The following WASF2 variants were observed in gnomAD, a reference collection of about 807,000 sequenced individuals.
WASF2 encodes the protein actin-binding protein WASF2.
In WASF2, 14 loss-of-function variants were observed where a neutral mutation model predicts 45.0. The observed-to-expected ratio is 0.31, with a 90% CI of 0.21 to 0.49. The LOEUF (loss-of-function observed/expected upper bound fraction) is 0.49, where lower values mean the gene tolerates loss of function less well. Ranked by LOEUF, WASF2 falls within the 20% of genes least tolerant of loss-of-function variation. The pLI is 0.99. For synonymous variants in WASF2, 200 were observed against 236.3 expected (o/e 0.85, Z 1.41); for missense variants, 439 against 636.1 (o/e 0.69, Z 3.33).
chr1:27,488,896 T>G (rs1397777993), intron 1 of WASF2, among the ~76,000 whole-genome samples: 1 of 152,168 alleles, frequency 6.6e-6, no homozygotes, highest in Admixed American at 6.5e-5. Context: ...CCTCTGAAAC[T>G]CAGTTTCCTT....
chr1:27,424,978 G>A (rs903460634), intron 2 of WASF2, among the ~76,000 whole-genome samples: 1 of 152,248 alleles, frequency 6.6e-6, no homozygotes, highest in Non-Finnish European at 1.5e-5. Context: ...AAGATGGCAA[G>A]GGCTGTTCAG....
At chr1:27,464,852 C>T (rs2017593538) in intron 1 of WASF2, among the ~76,000 whole-genome samples, 1 of 152,168 alleles carries the variant, frequency 6.6e-6, no homozygotes, top group Non-Finnish European at 1.5e-5. Flanking sequence ...CCTCAGCTTC[C>T]CAAGTAGCTG....
At chr1:27,424,461 G>C (rs2016949414) in intron 2 of WASF2, among the ~76,000 whole-genome samples, 1 of 152,134 alleles carries the variant, frequency 6.6e-6, no homozygotes, top group South Asian at 2.1e-4. Context: ...TTTCTACTGG[G>C]TGACAGGTAC....
intron 4 of WASF2, among the ~76,000 whole-genome samples, chr1:27,416,403 G>T (rs2148102335): frequency 6.6e-6 from 1 of 152,190 alleles, no homozygotes; most frequent in East Asian, 1.9e-4. Flanking sequence ...GATCTGCATG[G>T]CCACAGAGAT....
chr1:27,450,907 G>A (rs986073488), intron 1 of WASF2, among the ~76,000 whole-genome samples: 12 of 150,904 alleles, frequency 8.0e-5, no homozygotes, highest in Non-Finnish European at 1.6e-4. Flanking sequence ...GCACACAAAT[G>A]ACAACTATGA....
intron 2 of WASF2, among the ~76,000 whole-genome samples, chr1:27,420,987 C>G (rs2016901379): frequency 6.6e-6 from 1 of 152,164 alleles, no homozygotes; most frequent in South Asian, 2.1e-4. Flanking sequence ...CCTGAAAGGC[C>G]AAAACCACAC....
intron 1 of WASF2, among the ~76,000 whole-genome samples, chr1:27,432,793 T>TCA (rs2017084425): frequency 6.6e-6 from 1 of 151,832 alleles, no homozygotes; most frequent in South Asian, 2.1e-4. Context: ...CACCCAGGCC[T>TCA]CACTCTGTTG....
chr1:27,454,540 G>A (rs950105442), intron 1 of WASF2, among the ~76,000 whole-genome samples: 2 of 151,930 alleles, frequency 1.3e-5, no homozygotes, highest in African/African-American at 2.4e-5. Context: ...GTCTTCTTAC[G>A]TTGTCCAGGG....
At chr1:27,433,157 A>G (rs2017089058) in intron 1 of WASF2, among the ~76,000 whole-genome samples, 1 of 152,242 alleles carries the variant, frequency 6.6e-6, no homozygotes, top group African/African-American at 2.4e-5. Context: ...ACAAAACTCT[A>G]GCCTTCAAAG....
Position 27,409,791 on chromosome 1 carries a change from G to A in WASF2, c.1240C>T (p.Pro414Ser). 6.4e-7 allele frequency: 1 copy of A among 1,560,414 alleles called. No individual in the cohort carries two copies. Among genetic ancestry groups the A allele is most frequent in the Non-Finnish European group, 8.7e-7 (1 of 1,153,744 alleles). ...TCAGAAAGCGGTGGTGGTATAGCAG[G>A]CTGGCCATCTGCACCAGTGAAAGGG... ...PPPFTGADGQ[P>S]AIPPPLSDTT... The change falls in exon 8 of 9, where the codon CCT becomes TCT. Residue 414 changes from proline (P) to serine (S), a missense_variant. By Grantham distance (74) the Pro-to-Ser change is moderately conservative (BLOSUM62 -1). Around this residue, in one of 5 missense-constraint regions of WASF2, gnomAD observed 286 missense variants for 373.5 expected, o/e 0.77. Transcript: ENST00000618852.
intron 6 of WASF2, 62 bp from the exon 7 acceptor site, chr1:27,412,789 T>G (rs1165007443): frequency 1.5e-5 from 23 of 1,585,168 alleles, no homozygotes; most frequent in Non-Finnish European, 1.6e-5. Flanking sequence ...TTTTTCTTCT[T>G]AAAAGGTACT....
intron 1 of WASF2, among the ~76,000 whole-genome samples, chr1:27,456,950 C>T (rs964430331): frequency 4.6e-5 from 7 of 151,976 alleles, no homozygotes; most frequent in Non-Finnish European, 1.0e-4. Context: ...TCATGTTGGC[C>T]AGGCTGGTCT....
At chr1:27,433,356 C>A (rs188074303) in intron 1 of WASF2, among the ~76,000 whole-genome samples, 8 of 152,258 alleles carry the variant, frequency 5.3e-5, no homozygotes, top group African/African-American at 1.7e-4. Context: ...CACCATTCTA[C>A]GCGTACTGGA....
At chr1:27,412,929 A>T (rs538578228) in intron 6 of WASF2, among the ~76,000 whole-genome samples, 1 of 152,342 alleles carries the variant, frequency 6.6e-6, no homozygotes, top group South Asian at 2.1e-4. Flanking sequence ...CCAGATATTT[A>T]TGCTGAATTG....
intron 1 of WASF2, among the ~76,000 whole-genome samples, chr1:27,471,301 C>CAT (rs1557619692): frequency 1.4e-4 from 21 of 147,198 alleles, no homozygotes; most frequent in Admixed American, 4.1e-4. Context: ...GCCGAGATCC[C>CAT]GCCACTGCAC....
At chr1:27,442,846 C>A (rs1464638339) in intron 1 of WASF2, among the ~76,000 whole-genome samples, 1 of 151,696 alleles carries the variant, frequency 6.6e-6, no homozygotes, top group African/African-American at 2.4e-5. Flanking sequence ...ACTAAAAATA[C>A]AAAAATTAGC....
At chr1:27,411,259 A>C (rs1181584347) in intron 7 of WASF2, among the ~76,000 whole-genome samples, 1 of 152,234 alleles carries the variant, frequency 6.6e-6, no homozygotes, top group Non-Finnish European at 1.5e-5. Context: ...CAGGCATCAG[A>C]AAGGACAAAA....
At chr1:27,456,316 TAAAAA>T (rs61319408) in intron 1 of WASF2, among the ~76,000 whole-genome samples, 12 of 95,334 alleles carry the variant, frequency 1.3e-4, no homozygotes, top group Non-Finnish European at 2.1e-4. Context: ...AGCGAGACTC[TAAAAA>T]AAAAAAAAAA....
chr1:27,486,880 C>G (rs746585742), intron 1 of WASF2, among the ~76,000 whole-genome samples: 1 of 151,046 alleles, frequency 6.6e-6, no homozygotes, highest in Admixed American at 6.6e-5. Flanking sequence ...GCCGAGATCA[C>G]GCCACTGCCC....
Sources: gnomAD v4.1 joint callset for allele counts (sites outside exome capture counted in the v4.1 genomes callset) on GRCh38, gnomAD v4.1.1 for gene constraint, gnomAD v4.1.1 regional missense constraint, MANE v1.5 for transcripts, NCBI Gene and HGNC (gene_info 2026-07-23, HGNC 2026-07-21) for gene names.